TRPS1: variants seen among roughly 807,000 people sequenced by gnomAD.
TRPS1 encodes the protein transcriptional repressor GATA binding 1, also known as zinc finger transcription factor Trps1.
Under a neutral mutation model 101.2 loss-of-function variants are expected in TRPS1, and 6 were observed. That is an observed-to-expected ratio of 0.06 (90% CI 0.03 to 0.12). The LOEUF is 0.12. Among genes scored for constraint, TRPS1 ranks in the 10% least tolerant of loss-of-function variants. The pLI is 1.00. For synonymous variants in TRPS1, 578 were observed against 589.8 expected, an observed-to-expected ratio of 0.98 and a Z score of 0.29; for missense variants, 1,363 against 1,567.0, an observed-to-expected ratio of 0.87 and a Z score of 2.20.
intron 5 of TRPS1, among the ~76,000 whole-genome samples, chr8:115,482,486 T>C (rs1034718922): frequency 2.0e-5 from 3 of 152,318 alleles, no homozygotes; most frequent in African/African-American, 7.2e-5. Context: ...AAATAAACAA[T>C]TCATTACAAT....
intron 5 of TRPS1, among the ~76,000 whole-genome samples, chr8:115,538,418 C>T (rs1816373469): frequency 6.6e-6 from 1 of 152,106 alleles, no homozygotes; most frequent in Non-Finnish European, 1.5e-5. Flanking sequence ...ATCTTGCTAG[C>T]AAATTTGGAA....
In TRPS1 at chr8:115,604,655, T is replaced by C; in HGVS notation, c.1314A>G (p.Gln438=). The part of the protein sequence containing the change: ...VPIKPLDSSR[Q]NGTEATSYYW... The stretch of plus-strand genomic sequence containing the variant: ...AGTAACTGGTGGCCTCTGTACCATT[T>C]TGTCTAGAGGAATCGAGGGGCTTTA... The change falls in exon 4 of 7, where the codon CAA becomes CAG. Residue 438 remains glutamine, a synonymous_variant. Coordinates refer to ENST00000395715, the MANE Select transcript of TRPS1 (RefSeq NM_014112.5). This position sits in a 1 kb window ranked among gnomAD's most constrained non-coding sequence, Gnocchi z 4.1. The C allele has an allele frequency of 6.2e-7, 1 of 1,614,002 alleles. No homozygotes were observed. Among genetic ancestry groups the C allele is most frequent in the Non-Finnish European group, 8.5e-7 (1 of 1,179,986 alleles).
chr8:115,548,035 G>A lies in TRPS1; in HGVS notation c.2700+38966C>T, dbSNP rs867346814. Among the ~76,000 whole-genome samples the A allele has an allele frequency of 1.3e-5, 2 of 151,298 alleles. 1 individual carries two copies. Among genetic ancestry groups the A allele is most frequent in the Non-Finnish European group, 2.9e-5 (2 of 67,906 alleles). On this transcript the variant is annotated intron_variant, in intron 5 of 6. Coordinates refer to ENST00000395715, the MANE Select transcript of TRPS1 (RefSeq NM_014112.5). ...GCTTGGGGTCAGGAGTTCAAGACCA[G>A]CCTGAGCAACGTAGTGAAACACCAT...
intron 5 of TRPS1, among the ~76,000 whole-genome samples, chr8:115,513,890 A>G (rs1815645435): frequency 6.6e-6 from 1 of 151,604 alleles, no homozygotes; most frequent in Non-Finnish European, 1.5e-5. Flanking sequence ...GAGTTGTGTG[A>G]AAGAAATAAA....
chr8:115,553,630 G>A (rs1472915788), intron 5 of TRPS1, among the ~76,000 whole-genome samples: 1 of 152,106 alleles, frequency 6.6e-6, no homozygotes, highest in Non-Finnish European at 1.5e-5. Context: ...AATAGACAAT[G>A]AATTATTTAG....
At position 115,626,938 on chromosome 8, in the gene TRPS1, A is replaced by G. The variant is rs1232351525; in HGVS notation, c.-121-3180T>C. ...GAGATAGTGTGGTAAGTAAGTAATA[A>G]ATGTCCTATTTGCCTAAATGAATCT... On this transcript the variant is annotated intron_variant, in intron 1 of 6. Transcript: ENST00000395715. Among the ~76,000 whole-genome samples, 3 of 151,792 alleles carry G rather than the reference A, an allele frequency of 2.0e-5. No homozygotes were observed. The East Asian group carries it at 5.8e-4, about 29-fold the overall frequency.
At chr8:115,643,921 T>C (rs184703123) in intron 1 of TRPS1, among the ~76,000 whole-genome samples, 2 of 152,334 alleles carry the variant, frequency 1.3e-5, no homozygotes, top group South Asian at 2.1e-4. Flanking sequence ...ATAACATTCA[T>C]CTCTTTGTAC....
At chr8:115,465,853 G>T (rs1176645627) in intron 5 of TRPS1, among the ~76,000 whole-genome samples, 1 of 151,942 alleles carries the variant, frequency 6.6e-6, no homozygotes, top group African/African-American at 2.4e-5. Context: ...AAATTAATTG[G>T]AGTCTCTGTT....
chr8:115,475,266 T>TTATATATATATATATATATA lies in TRPS1; in HGVS notation c.2701-56834_2701-56815dup, dbSNP rs33922102. 4.3e-4 allele frequency among the ~76,000 whole-genome samples: 53 copies of TTATATATATATATATATATA among 123,994 alleles called. 1 individual carries two copies. Among genetic ancestry groups the TTATATATATATATATATATA allele is most frequent in the African/African-American group, 1.6e-3 (47 of 28,920 alleles). 81.3% of individuals were successfully genotyped at this position (123,994 alleles called of 152,430 possible). ...TTTACTATATATTTTTGAATCACAG[T>TTATATATATATATATATATA]TATATATATATATATATATATATAT... On this transcript the variant is annotated intron_variant, in intron 5 of 6. Coordinates refer to ENST00000395715, the MANE Select transcript of TRPS1 (RefSeq NM_014112.5).
chr8:115,503,487 CA>C (rs1297489905), intron 5 of TRPS1, among the ~76,000 whole-genome samples: 1 of 151,904 alleles, frequency 6.6e-6, no homozygotes, highest in Non-Finnish European at 1.5e-5. Flanking sequence ...AATACAGGAA[CA>C]AAAATTACAA....
At chr8:115,598,082 T>G (rs1817827679) in intron 4 of TRPS1, among the ~76,000 whole-genome samples, 2 of 152,210 alleles carry the variant, frequency 1.3e-5, no homozygotes, top group South Asian at 4.1e-4. Flanking sequence ...TGTCTAACAC[T>G]TCCCACATAT....
intron 1 of TRPS1, among the ~76,000 whole-genome samples, chr8:115,656,618 A>C (rs1190293330): frequency 6.6e-6 from 1 of 152,178 alleles, no homozygotes; most frequent in African/African-American, 2.4e-5. Context: ...ATCACAAAGA[A>C]TACTATATGA....
chr8:115,498,413 C>CTA (rs1563554199), intron 5 of TRPS1, among the ~76,000 whole-genome samples: 244 of 63,366 alleles, frequency 3.9e-3, no homozygotes, highest in Non-Finnish European at 4.6e-3. Flanking sequence ...CTCTCTCTCT[C>CTA]TCTATATATA....
chr8:115,489,608 A>C (rs1301326135), intron 5 of TRPS1, among the ~76,000 whole-genome samples: 1 of 152,154 alleles, frequency 6.6e-6, no homozygotes, highest in Non-Finnish European at 1.5e-5. Flanking sequence ...CTCTGAGGCC[A>C]CATTATGTTT....
At chr8:115,577,555 T>C (rs1817347781) in intron 5 of TRPS1, among the ~76,000 whole-genome samples, 2 of 152,182 alleles carry the variant, frequency 1.3e-5, no homozygotes, top group African/African-American at 4.8e-5. Flanking sequence ...ATTGAAATTC[T>C]GATAAATACT....
At chr8:115,441,898 A>AGAGAGAGAGAGTGT (rs1554620719) in intron 5 of TRPS1, among the ~76,000 whole-genome samples, 9 of 116,148 alleles carry the variant, frequency 7.7e-5, no homozygotes, top group Non-Finnish European at 1.4e-4. Flanking sequence ...AGAGAGAGAG[A>AGAGAGAGAGAGTGT]GTGTGTGTGT....
chr8:115,667,856 C>T, intron 1 of TRPS1: 1 of 1,535,540 alleles, frequency 6.5e-7, no homozygotes, highest in Non-Finnish European at 8.7e-7. Context: ...CCGACCCTCC[C>T]GAGTTCGCCC....
intron 5 of TRPS1, among the ~76,000 whole-genome samples, chr8:115,502,520 T>C (rs561149488): frequency 2.6e-5 from 4 of 152,306 alleles, no homozygotes; most frequent in South Asian, 4.1e-4. Flanking sequence ...CTAAAGGCTA[T>C]CGGCTATGAC....
chr8:115,483,798 G>C (rs954502725), intron 5 of TRPS1, among the ~76,000 whole-genome samples: 1 of 152,118 alleles, frequency 6.6e-6, no homozygotes, highest in South Asian at 2.1e-4. Flanking sequence ...TTGCAAATTT[G>C]ATCCGCAGAA....
Sources: gnomAD v4.1 joint callset for allele counts (sites outside exome capture counted in the v4.1 genomes callset) on GRCh38, gnomAD v4.1.1 for gene constraint, Gnocchi (gnomAD v3.1) non-coding constraint, MANE v1.5 for transcripts, NCBI Gene and HGNC (gene_info 2026-07-23, HGNC 2026-07-21) for gene names.